XKR6: variants seen among roughly 807,000 people sequenced by gnomAD.
XKR6 encodes XK-related protein 6.
A neutral mutation model predicts 56.7 loss-of-function variants in XKR6; 22 were observed. The ratio of observed to expected loss-of-function variants is 0.39; its 90% CI spans 0.28 to 0.55. XKR6 has a LOEUF of 0.55. XKR6 is among the 20% of genes least tolerant of loss of function. XKR6 has a pLI of 0.66. For synonymous variants in XKR6, 524 were observed against 387.8 expected (o/e 1.35, Z -4.13); for missense variants, 852 against 889.0 (o/e 0.96, Z 0.53).
intron 1 of XKR6, among the ~76,000 whole-genome samples, chr8:11,001,999 A>G (rs1798250595): frequency 6.6e-6 from 1 of 151,960 alleles, no homozygotes; most frequent in Admixed American, 6.5e-5. Flanking sequence ...GATTATAGAG[A>G]TAAGTCTTCT....
intron 1 of XKR6, among the ~76,000 whole-genome samples, chr8:11,177,866 C>A (rs187847763): frequency 6.6e-6 from 1 of 152,310 alleles, no homozygotes; most frequent in Non-Finnish European, 1.5e-5. Context: ...CCAGTTCCTG[C>A]GATTAAATAC....
chr8:11,060,330 C>A (rs907496539), intron 1 of XKR6, among the ~76,000 whole-genome samples: 31 of 152,204 alleles, frequency 2.0e-4, no homozygotes, highest in African/African-American at 4.8e-5. Context: ...CATGCCTCCA[C>A]GCCTCCACCT....
intron 1 of XKR6, among the ~76,000 whole-genome samples, chr8:11,120,757 G>A: frequency 6.6e-6 from 1 of 152,152 alleles, no homozygotes. Context: ...GAACAAAGCT[G>A]GAGGTATCAC....
chr8:10,976,827 C>T (rs1802580310), intron 1 of XKR6, among the ~76,000 whole-genome samples: 3 of 152,076 alleles, frequency 2.0e-5, no homozygotes, highest in Admixed American at 6.5e-5. Context: ...TACTTGCAAT[C>T]CTCCAATAGC....
chr8:10,978,260 T>C (rs1563324197), intron 1 of XKR6, among the ~76,000 whole-genome samples: 1 of 152,236 alleles, frequency 6.6e-6, no homozygotes, highest in African/African-American at 2.4e-5. Flanking sequence ...TCAAGGATAG[T>C]TCATAACTAC....
In XKR6 at chr8:11,166,845, G is replaced by A. The variant is rs369398376; in HGVS notation, c.764+33731C>T. Among the ~76,000 whole-genome samples, 3 of 152,196 alleles carry A rather than the reference G, an allele frequency of 2.0e-5. No individual in the cohort carries two copies. The East Asian group carries it at 5.8e-4, about 29-fold the overall frequency. ...GCCTCGACCTCTCAAAAACTGCTGAGATTACAGGCGTGAGCCACCGCACCC... is the reference window on the plus strand; with the variant it reads ...GCCTCGACCTCTCAAAAACTGCTGAAATTACAGGCGTGAGCCACCGCACCC... On this transcript the variant is annotated intron_variant, in intron 1 of 2. Coordinates refer to ENST00000416569, the MANE Select transcript of XKR6 (RefSeq NM_173683.4).
chr8:10,931,424 C>G (rs1373363071), intron 1 of XKR6, among the ~76,000 whole-genome samples: 1 of 151,888 alleles, frequency 6.6e-6, no homozygotes, highest in Non-Finnish European at 1.5e-5. Flanking sequence ...TACAGACAAG[C>G]CAATTCTAAA....
chr8:11,122,175 C>A (rs541956786), intron 1 of XKR6, among the ~76,000 whole-genome samples: 9 of 152,350 alleles, frequency 5.9e-5, no homozygotes, highest in African/African-American at 2.2e-4. Flanking sequence ...CCAAGCCCAG[C>A]TCCTTTGAAA....
chr8:11,086,341 G>C (rs976473471), intron 1 of XKR6, among the ~76,000 whole-genome samples: 3 of 152,064 alleles, frequency 2.0e-5, no homozygotes, highest in Non-Finnish European at 2.9e-5. Flanking sequence ...GGACTCATGA[G>C]ACCCAGCCCA....
At chr8:11,117,936 G>A (rs892048663) in intron 1 of XKR6, among the ~76,000 whole-genome samples, 3 of 152,008 alleles carry the variant, frequency 2.0e-5, no homozygotes, top group African/African-American at 4.8e-5. Context: ...CAAATGAGAC[G>A]CTAACAGAGT....
intron 1 of XKR6, among the ~76,000 whole-genome samples, chr8:11,040,955 G>T (rs181540800): frequency 2.6e-5 from 4 of 152,102 alleles, no homozygotes; most frequent in Non-Finnish European, 5.9e-5. Context: ...TACGTACATC[G>T]GGCAGATACT....
chr8:10,964,221 G>A (rs954061221), intron 1 of XKR6, among the ~76,000 whole-genome samples: 1 of 152,196 alleles, frequency 6.6e-6, no homozygotes, highest in East Asian at 1.9e-4. Context: ...TGATTGGACT[G>A]TGGTTGTGGG....
rs932619381 is a variant in XKR6 at position 10,959,750 on chromosome 8, G to C, written c.765-34920C>G. ...TCACAGGACACAAACATTCTGTCCAGAGCATCCAGTATTGGAAAAGACAGA... is the reference window on the plus strand; with the variant it reads ...TCACAGGACACAAACATTCTGTCCACAGCATCCAGTATTGGAAAAGACAGA... On this transcript the variant is annotated intron_variant, in intron 1 of 2. Coordinates refer to ENST00000416569, the MANE Select transcript of XKR6 (RefSeq NM_173683.4). Among the ~76,000 whole-genome samples the C allele has an allele frequency of 7.9e-5, 12 of 152,160 alleles. 1 individual carries two copies. The highest frequency in any genetic ancestry group is 2.9e-4 in the African/African-American group (12 of 41,420).
At chr8:10,976,440 C>A (rs868637867) in intron 1 of XKR6, among the ~76,000 whole-genome samples, 2 of 152,128 alleles carry the variant, frequency 1.3e-5, no homozygotes, top group African/African-American at 4.8e-5. Context: ...CATCCAGTCC[C>A]CATTTGCAGG....
intron 1 of XKR6, among the ~76,000 whole-genome samples, chr8:11,035,488 C>T (rs942588627): frequency 2.0e-5 from 3 of 152,174 alleles, no homozygotes; most frequent in Non-Finnish European, 4.4e-5. Context: ...ATCACATCTA[C>T]ATAAAGGGAG....
At chr8:10,980,330 G>A (rs1212781119) in intron 1 of XKR6, among the ~76,000 whole-genome samples, 1 of 152,174 alleles carries the variant, frequency 6.6e-6, no homozygotes, top group African/African-American at 2.4e-5. Flanking sequence ...ACTGAGGAGG[G>A]CTCTGAATAC....
chr8:11,150,867 A>C (rs1801237735), intron 1 of XKR6, among the ~76,000 whole-genome samples: 1 of 133,492 alleles, frequency 7.5e-6, no homozygotes, highest in Admixed American at 7.2e-5. Flanking sequence ...AAAAAAAAAA[A>C]AAAAAAAAAT....
chr8:11,146,046 A>G (rs570374461), intron 1 of XKR6, among the ~76,000 whole-genome samples: 3 of 152,056 alleles, frequency 2.0e-5, no homozygotes, highest in Non-Finnish European at 4.4e-5. Flanking sequence ...TTTATGGTCA[A>G]TTGACTTTTG....
rs936338039 is a variant in XKR6, at chr8:11,201,823, C to A, written c.-484G>T. On this transcript the variant is annotated 5_prime_UTR_variant, in exon 1 of 3. Transcript: ENST00000416569. ...GCTCACAGCTTTCCTCCTGGAGAAA[C>A]GCCCCCTAACACCCTCCCGGCTGCT... Among the ~76,000 whole-genome samples the A allele has an allele frequency of 1.3e-5, 2 of 152,038 alleles. No individual in the cohort carries two copies. The highest frequency in any genetic ancestry group is 1.3e-4 in the Admixed American group (2 of 15,280).
Sources: allele counts gnomAD v4.1 joint callset (sites outside exome capture counted in the v4.1 genomes callset), GRCh38; gene constraint gnomAD v4.1.1; transcripts MANE v1.5; gene names NCBI Gene and HGNC (gene_info 2026-07-23, HGNC 2026-07-21).